Variants in MRC2 observed in about 807,000 individuals in gnomAD.
The protein encoded by MRC2 is C-type mannose receptor 2.
A neutral mutation model predicts 206.2 loss-of-function variants in MRC2; 84 were observed. That is an observed-to-expected ratio of 0.41 (90% CI 0.34 to 0.49). MRC2 has a LOEUF of 0.49. Ranked by LOEUF, MRC2 falls within the 20% of genes least tolerant of loss-of-function variation. The pLI is 0.31. For missense variants in MRC2, 1,676 were observed against 2,001.5 expected, an observed-to-expected ratio of 0.84 and a Z score of 3.10; for synonymous variants, 798 against 800.0, an observed-to-expected ratio of 1.00 and a Z score of 0.04.
At chr17:62,682,703 G>A (rs895831125) in intron 20 of MRC2, among the ~76,000 whole-genome samples, 2 of 150,834 alleles carry the variant, frequency 1.3e-5, no homozygotes, top group Non-Finnish European at 2.9e-5. Flanking sequence ...GTGCAGTGGC[G>A]CGATCTCGGC....
chr17:62,682,452 T>C, intron 20 of MRC2, 75 bp downstream of exon 20: 1 of 1,488,306 alleles, frequency 6.7e-7, no homozygotes, highest in Non-Finnish European at 9.0e-7. Flanking sequence ...GCCTCAGGAG[T>C]CCTGGCCTTT....
At position 62,690,263 on chromosome 17, in the gene MRC2, C is replaced by T. The variant is rs2089090406; in HGVS notation, c.3850C>T (p.Leu1284=). 2.5e-6 allele frequency: 4 copies of T among 1,612,926 alleles called. No homozygotes were observed. Among genetic ancestry groups the T allele is most frequent in the African/African-American group, 2.7e-5 (2 of 74,940 alleles). ...GCACTGCTATTCTTTCCACATGGAG[C>T]TGCTGCTGGGCCACAAGGAGGCGCG... is the stretch of plus-strand genomic sequence containing the variant. ...REHCYSFHME[L]LLGHKEARQR... Residue 1284 remains leucine (L), a synonymous_variant, in exon 26 of 30, where the codon CTG becomes TTG. Coordinates refer to ENST00000303375, the MANE Select transcript of MRC2 (RefSeq NM_006039.5).
intron 1 of MRC2, among the ~76,000 whole-genome samples, chr17:62,632,311 T>G (rs1185738658): frequency 6.6e-6 from 1 of 152,026 alleles, no homozygotes; most frequent in Non-Finnish European, 1.5e-5. Flanking sequence ...TTTCCCTTCT[T>G]GCACTTCCCC....
In MRC2 at chr17:62,690,217, C is replaced by A. The variant is rs568726486; in HGVS notation, c.3804C>A (p.Ser1268=). The part of the protein sequence containing the change: ...HGSCPQGLAD[S]AWIPFREHCY... ...GCTGTCCCCAGGGACTGGCAGACTC[C>A]GCGTGGATTCCCTTCCGGGAGCACT... is the stretch of plus-strand genomic sequence containing the variant. Residue 1268 remains serine, a synonymous_variant, in exon 26 of 30, where the codon TCC becomes TCA. Coordinates refer to ENST00000303375, the MANE Select transcript of MRC2 (RefSeq NM_006039.5). 1 of 1,613,084 alleles carries A rather than the reference C, an allele frequency of 6.2e-7. No individual in the cohort carries two copies. Among genetic ancestry groups the A allele is most frequent in the Non-Finnish European group, 8.5e-7 (1 of 1,179,492 alleles).
chr17:62,635,811 G>A (rs1399932859), intron 1 of MRC2, among the ~76,000 whole-genome samples: 1 of 151,016 alleles, frequency 6.6e-6, no homozygotes, highest in Non-Finnish European at 1.5e-5. Flanking sequence ...TTTCTGAGAC[G>A]GAGTCTCGCT....
At chr17:62,673,717 C>T (rs1454970647) in intron 8 of MRC2, among the ~76,000 whole-genome samples, 1 of 152,128 alleles carries the variant, frequency 6.6e-6, no homozygotes, top group Admixed American at 6.6e-5. Context: ...ACCATGTTGG[C>T]CAGGCTGGTC....
In MRC2 at chr17:62,664,443, C is replaced by T. The variant is rs2088720795; in HGVS notation, c.119-105C>T. The T allele has an allele frequency of 1.6e-6, 2 of 1,286,072 alleles. No homozygotes were observed. The highest frequency in any genetic ancestry group is 2.8e-5 in the South Asian group (2 of 70,684). The allele number at this position is 1,286,072 out of a possible 1,614,324, so 79.7% of individuals were successfully genotyped here. ...GATTTAACGTATGAGTGACGGCTCA[C>T]CATCCTGCACTGGGCACATGGTAGG... is the stretch of plus-strand genomic sequence containing the variant. On this transcript the variant is annotated intron_variant, in intron 1 of 29. Coordinates refer to ENST00000303375, the MANE Select transcript of MRC2 (RefSeq NM_006039.5). This position sits in a 1 kb window ranked among gnomAD's most constrained non-coding sequence, Gnocchi z 4.7.
chr17:62,665,916 T>A (rs1186299816), intron 2 of MRC2, among the ~76,000 whole-genome samples, 178 bp from the exon 3 acceptor site: 1 of 152,184 alleles, frequency 6.6e-6, no homozygotes, highest in African/African-American at 2.4e-5. Context: ...GTTCCTGGGC[T>A]GACTCAACAG....
chr17:62,666,881 A>G lies in MRC2; in HGVS notation c.973+11A>G. ...TCAACTGGGAGAGTGGTGAGGCACA[A>G]GGTTGGGGGCGCAGGGCAGCATAGG... On this transcript the variant is annotated intron_variant, in intron 5 of 29. Coordinates refer to ENST00000303375, the MANE Select transcript of MRC2 (RefSeq NM_006039.5). This position sits in a 1 kb window ranked among gnomAD's most constrained non-coding sequence, Gnocchi z 5.0. The G allele has an allele frequency of 6.2e-7, 1 of 1,611,452 alleles. No individual in the cohort carries two copies. Among genetic ancestry groups the G allele is most frequent in the Non-Finnish European group, 8.5e-7 (1 of 1,178,124 alleles).
chr17:62,643,342 A>AAG (rs1555675624), intron 1 of MRC2, among the ~76,000 whole-genome samples: 4 of 38,672 alleles, frequency 1.0e-4, no homozygotes, highest in African/African-American at 2.1e-4. Flanking sequence ...AAAAAAAAAA[A>AAG]AAAAAGAAAA....
Position 62,666,738 on chromosome 17 carries a change from T to C in MRC2, c.860-19T>C. 3.7e-6 allele frequency: 6 copies of C among 1,611,610 alleles called. No homozygotes were observed. The highest frequency in any genetic ancestry group is 5.1e-6 in the Non-Finnish European group (6 of 1,178,546). ...CTGGGGCTGGGGATCCCCTGTTCAG[T>C]GTCCCTCCTTGCTGTCAGGCCTCCT... On this transcript the variant is annotated intron_variant, in intron 4 of 29. Transcript: ENST00000303375. This position sits in a 1 kb window ranked among gnomAD's most constrained non-coding sequence, Gnocchi z 5.0.
Position 62,627,843 on chromosome 17 carries a change from A to G in MRC2, c.41A>G (p.His14Arg). 1 of 1,470,956 alleles carries G rather than the reference A, an allele frequency of 6.8e-7. No homozygotes were observed. The allele number at this position is 1,470,956 out of a possible 1,614,324, so 91.1% of individuals were successfully genotyped here. ...CCGGCCCCCGCGCCCTGGCCTCGTC[A>G]CCTGCTGCGCTGCGTCCTGCTCCTC... The part of the protein sequence containing the change: ...GRPAPAPWPR[H>R]LLRCVLLLGC... The change falls in exon 1 of 30, where the codon CAC becomes CGC. Residue 14 changes from histidine to arginine, a missense_variant. Physicochemically the swap from His to Arg is conservative, Grantham distance 29 (BLOSUM62 0). Transcript: ENST00000303375.
intron 1 of MRC2, among the ~76,000 whole-genome samples, chr17:62,644,832 A>G (rs948428054): frequency 6.6e-6 from 1 of 151,244 alleles, no homozygotes; most frequent in South Asian, 2.1e-4. Flanking sequence ...TCTGCGGGAG[A>G]GACTCTCAAG....
chr17:62,651,929 A>T (rs1343581694), intron 1 of MRC2, among the ~76,000 whole-genome samples: 1 of 152,178 alleles, frequency 6.6e-6, no homozygotes, highest in African/African-American at 2.4e-5. Context: ...GGTTGAATAC[A>T]TTTTGCTACA....
chr17:62,667,775 G>A lies in MRC2; in HGVS notation c.1117+242G>A, dbSNP rs1398749018. Among the ~76,000 whole-genome samples the A allele has an allele frequency of 6.6e-6, 1 of 152,174 alleles. No homozygotes were observed. Among genetic ancestry groups the A allele is most frequent in the African/African-American group, 2.4e-5 (1 of 41,434 alleles). On this transcript the variant is annotated intron_variant, in intron 6 of 29. Transcript: ENST00000303375. The surrounding 1 kb of genome is among the most constrained non-coding windows in gnomAD (Gnocchi z 4.1). Reference sequence around the variant, plus strand: ...TGCTGGCAATACCCACTGTTACCTCGTAGAGACCACAGTCTGCTGGAGGTG... The same window carrying A: ...TGCTGGCAATACCCACTGTTACCTCATAGAGACCACAGTCTGCTGGAGGTG...
At chr17:62,687,931 A>G (rs534583023) in intron 20 of MRC2, among the ~76,000 whole-genome samples, 1 of 152,252 alleles carries the variant, frequency 6.6e-6, no homozygotes, top group South Asian at 2.1e-4. Flanking sequence ...TCAAAGGGCA[A>G]GATAATGGAT....
At position 62,664,622 on chromosome 17, in the gene MRC2, A is replaced by C. The variant is rs1598982421; in HGVS notation, c.193A>C (p.Thr65Pro). Residue 65 changes from threonine (T) to proline (P), a missense_variant, in exon 2 of 30, where the codon ACC becomes CCC. By Grantham distance (38) the Thr-to-Pro change is conservative (BLOSUM62 -1). Transcript: ENST00000303375. The surrounding 1 kb of genome is among the most constrained non-coding windows in gnomAD (Gnocchi z 4.7). Reference sequence around the variant, plus strand: ...GGCCCAGGGCGGGCAGGTCAGAGTCACCCCGGCTTGCAATACCAGCCTCCC... The same window carrying C: ...GGCCCAGGGCGGGCAGGTCAGAGTCCCCCCGGCTTGCAATACCAGCCTCCC... The part of the protein sequence containing the change: ...LEAQGGQVRV[T>P]PACNTSLPAQ... 6.2e-7 allele frequency: 1 copy of C among 1,613,374 alleles called. No individual in the cohort carries two copies.
chr17:62,633,695 G>GC (rs2088275205), intron 1 of MRC2, among the ~76,000 whole-genome samples: 2 of 146,160 alleles, frequency 1.4e-5, no homozygotes, highest in African/African-American at 5.0e-5. Flanking sequence ...AAAAAAAAAA[G>GC]CTGGGTGTCC....
At chr17:62,663,901 T>C (rs1317346777) in intron 1 of MRC2, among the ~76,000 whole-genome samples, 2 of 151,530 alleles carry the variant, frequency 1.3e-5, no homozygotes, top group African/African-American at 4.9e-5. Context: ...CCTCCACTCC[T>C]CCTCATAAAA....
Sources: allele counts gnomAD v4.1 joint callset (sites outside exome capture counted in the v4.1 genomes callset), GRCh38; gene constraint gnomAD v4.1.1; non-coding constraint Gnocchi (gnomAD v3.1); transcripts MANE v1.5; gene names NCBI Gene and HGNC (gene_info 2026-07-23, HGNC 2026-07-21).